Variants in MAP2K6 observed in about 807,000 individuals in gnomAD.
MAP2K6 encodes mitogen-activated protein kinase kinase 6.
In MAP2K6, 16 loss-of-function variants were observed where a neutral mutation model predicts 53.7. That is an observed-to-expected ratio of 0.30 (90% CI 0.20 to 0.45). The LOEUF is 0.45. Among genes scored for constraint, MAP2K6 ranks in the 20% least tolerant of loss-of-function variants. MAP2K6 has a pLI of 1.00. For missense variants in MAP2K6, 204 were observed against 411.9 expected, an observed-to-expected ratio of 0.50 and a Z score of 4.37; for synonymous variants, 132 against 143.1, an observed-to-expected ratio of 0.92 and a Z score of 0.55.
chr17:69,484,895 G>T (rs1335442075), intron 1 of MAP2K6, among the ~76,000 whole-genome samples: 1 of 152,078 alleles, frequency 6.6e-6, no homozygotes, highest in Non-Finnish European at 1.5e-5. Flanking sequence ...CAGAAAGTAG[G>T]CTAGTAGTTG....
rs2144859360 is a variant in MAP2K6 at position 69,535,366 on chromosome 17, G to A, written c.882-749G>A. 2.0e-5 allele frequency among the ~76,000 whole-genome samples: 3 copies of A among 152,304 alleles called. No homozygotes were observed. In the South Asian group the frequency reaches 6.2e-4, roughly 32 times the overall value. On this transcript the variant is annotated intron_variant, in intron 10 of 11. Coordinates refer to ENST00000590474, the MANE Select transcript of MAP2K6 (RefSeq NM_002758.4). ...CCAGCTCTTTGGAAGGCTGAGGCAG[G>A]TGGATCACTTGAGCCTAAGACTTCG...
intron 1 of MAP2K6, chr17:69,434,883 T>C (rs1206712966): frequency 6.6e-6 from 1 of 152,192 alleles, no homozygotes; most frequent in East Asian, 1.9e-4. Flanking sequence ...GGTCACTACA[T>C]ACTATTATTT....
intron 1 of MAP2K6, chr17:69,502,389 T>TA (rs1319487133): frequency 2.0e-6 from 2 of 985,332 alleles, no homozygotes; most frequent in African/African-American, 1.7e-5. Context: ...GCTGGTCTCT[T>TA]ACTGTGCTGC....
intron 9 of MAP2K6, 42 bp from the exon 10 acceptor site, chr17:69,526,528 C>T (rs1256424202): frequency 6.2e-7 from 1 of 1,601,100 alleles, no homozygotes; most frequent in African/African-American, 1.3e-5. Context: ...CCTAAAGCAG[C>T]CCTGTTGAAA....
intron 1 of MAP2K6, among the ~76,000 whole-genome samples, chr17:69,422,187 A>G (rs1052761594): frequency 3.1e-5 from 4 of 129,574 alleles, no homozygotes; most frequent in African/African-American, 1.2e-4. Context: ...ACTGGAGTGC[A>G]GTGGTGCAAC....
chr17:69,517,205 G>A (rs553595618), intron 3 of MAP2K6, among the ~76,000 whole-genome samples: 1 of 151,610 alleles, frequency 6.6e-6, no homozygotes, highest in Admixed American at 6.6e-5. Flanking sequence ...CACAATGAAG[G>A]GTCATGGCTA....
intron 1 of MAP2K6, among the ~76,000 whole-genome samples, chr17:69,503,611 C>T (rs903741584): frequency 6.6e-6 from 1 of 152,072 alleles, no homozygotes; most frequent in African/African-American, 2.4e-5. Context: ...TACAACTTGG[C>T]AGAATTGATC....
At chr17:69,448,838 C>T (rs1255509706) in intron 1 of MAP2K6, among the ~76,000 whole-genome samples, 1 of 152,108 alleles carries the variant, frequency 6.6e-6, no homozygotes, top group Non-Finnish European at 1.5e-5. Flanking sequence ...TTTCTTCTGT[C>T]CTTGGGATTC....
At chr17:69,416,712 A>G (rs1895733137) in intron 1 of MAP2K6, among the ~76,000 whole-genome samples, 1 of 152,230 alleles carries the variant, frequency 6.6e-6, no homozygotes, top group Non-Finnish European at 1.5e-5. Flanking sequence ...AATGTAAGGA[A>G]ATCATTATAA....
intron 1 of MAP2K6, among the ~76,000 whole-genome samples, chr17:69,467,532 T>C (rs1907853131): frequency 6.6e-6 from 1 of 152,214 alleles, no homozygotes; most frequent in South Asian, 2.1e-4. Context: ...TTGGGTTTTC[T>C]AGAGGACAGC....
chr17:69,474,648 A>G lies in MAP2K6; in HGVS notation c.17-31132A>G, dbSNP rs1402132156. Among the ~76,000 whole-genome samples the G allele has an allele frequency of 2.6e-5, 4 of 152,212 alleles. No individual in the cohort carries two copies. In the East Asian group the frequency reaches 5.8e-4, roughly 22 times the overall value. On this transcript the variant is annotated intron_variant, in intron 1 of 11. Transcript: ENST00000590474. ...AAGCCCTAGAGGATTAAAGCTCTGG[A>G]CAAGTTGATCTCTTTCTATGACCAC...
Position 69,552,961 on chromosome 17 carries a change from T to A in MAP2K6, c.*11208T>A, listed in dbSNP as rs1280781597. On this transcript the variant is annotated 3_prime_UTR_variant, in exon 12 of 12. Coordinates refer to ENST00000590474, the MANE Select transcript of MAP2K6 (RefSeq NM_002758.4). ...CTTGCAGTAGATATAAGCATTGGTG[T>A]TAACATAGGTTAAGTTTTGTTAGTG... 1 of 152,204 alleles carries A rather than the reference T, an allele frequency of 6.6e-6. No homozygotes were observed. Among genetic ancestry groups the A allele is most frequent in the Non-Finnish European group, 1.5e-5 (1 of 68,036 alleles). The allele number at this position is 152,204 out of a possible 1,614,324, so 9.4% of individuals were successfully genotyped here.
intron 1 of MAP2K6, among the ~76,000 whole-genome samples, chr17:69,457,875 C>T (rs1020221607): frequency 2.6e-5 from 4 of 152,202 alleles, no homozygotes; most frequent in African/African-American, 9.6e-5. Context: ...GCATCAGGAT[C>T]TGTCTTCTAG....
intron 10 of MAP2K6, among the ~76,000 whole-genome samples, chr17:69,527,153 A>T (rs1360077520): frequency 6.6e-6 from 1 of 152,236 alleles, no homozygotes; most frequent in Non-Finnish European, 1.5e-5. Context: ...AGCTTTAAGC[A>T]ATTTGATGTT....
chr17:69,541,723 A>G lies in MAP2K6; in HGVS notation c.975A>G (p.Ala325=), dbSNP rs549899534. 2 of 1,612,876 alleles carry G rather than the reference A, an allele frequency of 1.2e-6. No homozygotes were observed. The highest frequency in any genetic ancestry group is 2.2e-5 in the South Asian group (2 of 91,010). ...ATGAATCCAAAGGAACAGATGTGGC[A>G]TCTTTTGTAAAACTGATTCTTGGAG... is the stretch of plus-strand genomic sequence containing the variant. ...TLHESKGTDV[A]SFVKLILGD The change falls in exon 12 of 12, where the codon GCA becomes GCG. Residue 325 remains alanine (A), a synonymous_variant. Coordinates refer to ENST00000590474, the MANE Select transcript of MAP2K6 (RefSeq NM_002758.4).
At chr17:69,432,819 A>G (rs1906510019) in intron 1 of MAP2K6, among the ~76,000 whole-genome samples, 1 of 152,116 alleles carries the variant, frequency 6.6e-6, no homozygotes, top group African/African-American at 2.4e-5. Context: ...TTAAAAAAAA[A>G]AAAAAAAAGG....
intron 1 of MAP2K6, among the ~76,000 whole-genome samples, chr17:69,423,940 C>G (rs368887678): frequency 6.6e-6 from 1 of 151,998 alleles, no homozygotes; most frequent in African/African-American, 2.4e-5. Flanking sequence ...ACTTTTGCAC[C>G]GACGTAAGAA....
At chr17:69,521,585 T>G (rs184712353) in intron 7 of MAP2K6, 5 of 152,702 alleles carry the variant, frequency 3.3e-5, no homozygotes, top group Admixed American at 3.3e-4. Flanking sequence ...GATTTATCTC[T>G]TCCTCTTTCC....
chr17:69,435,694 CAG>C lies in MAP2K6; in HGVS notation c.16+20697_16+20698del, dbSNP rs538002743. Among the ~76,000 whole-genome samples the C allele has an allele frequency of 3.7e-3, 558 of 151,936 alleles. 3 individuals carry two copies. Among genetic ancestry groups the C allele is most frequent in the African/African-American group, 0.013 (521 of 41,430 alleles). On this transcript the variant is annotated intron_variant, in intron 1 of 11. Coordinates refer to ENST00000590474, the MANE Select transcript of MAP2K6 (RefSeq NM_002758.4). ...AAAAAATTTTCTTTTCTTTTTTAGA[CAG>C]AGTCTTGCTCTGTCGCCCAGGCTGG...
Sources: allele counts gnomAD v4.1 joint callset (sites outside exome capture counted in the v4.1 genomes callset), GRCh38; gene constraint gnomAD v4.1.1; transcripts MANE v1.5; gene names NCBI Gene and HGNC (gene_info 2026-07-23, HGNC 2026-07-21).